Variants in ZFAT observed in about 807,000 individuals in gnomAD.
The protein encoded by ZFAT is zinc finger protein ZFAT.
Under a neutral mutation model 117.7 loss-of-function variants are expected in ZFAT, and 64 were observed. That is an observed-to-expected ratio of 0.54 (90% CI 0.44 to 0.67). ZFAT has a LOEUF of 0.67. Ranked by LOEUF, ZFAT falls within the 30% of genes least tolerant of loss-of-function variation. The pLI is 0.00. For missense variants in ZFAT, 1,433 were observed against 1,584.5 expected (o/e 0.90, Z 1.62); for synonymous variants, 679 against 615.0 (o/e 1.10, Z -1.54).
At chr8:134,702,577 C>A (rs556731664) in intron 1 of ZFAT, among the ~76,000 whole-genome samples, 36 of 152,282 alleles carry the variant, frequency 2.4e-4, no homozygotes, top group Admixed American at 2.1e-3. Flanking sequence ...TGTTGCCTAC[C>A]CCCAAGTAAA....
intron 11 of ZFAT, among the ~76,000 whole-genome samples, chr8:134,538,594 C>T (rs1822014555): frequency 6.6e-6 from 1 of 152,110 alleles, no homozygotes; most frequent in Non-Finnish European, 1.5e-5. Flanking sequence ...GTCAGGAGTT[C>T]GAGACCAGCC....
At chr8:134,814,150 T>C in the ZFAT span, among the ~76,000 whole-genome samples, 2 of 152,328 alleles carry the variant, frequency 1.3e-5, no homozygotes, top group South Asian at 2.1e-4. Context: ...CTTTATCTAC[T>C]TGTTCTATGA....
the ZFAT span, chr8:134,784,008 A>G: frequency 6.6e-6 from 1 of 152,254 alleles, no homozygotes; most frequent in East Asian, 1.9e-4. Flanking sequence ...GCAAGGTGCA[A>G]TGCCCTCACC....
chr8:134,576,132 A>C lies in ZFAT; in HGVS notation c.2887+7700T>G, dbSNP rs1825280713. 2.0e-5 allele frequency among the ~76,000 whole-genome samples: 3 copies of C among 152,228 alleles called. No homozygotes were observed. The South Asian group carries it at 6.2e-4, about 32-fold the overall frequency. The stretch of plus-strand genomic sequence containing the variant: ...ACACTGTGCCAGACATTTGCAGCTG[A>C]GACCCTCTACCTGGTGAGGTTTTAG... On this transcript the variant is annotated intron_variant, in intron 10 of 15. Transcript: ENST00000377838.
intron 10 of ZFAT, among the ~76,000 whole-genome samples, chr8:134,575,238 A>C (rs1825211809): frequency 6.6e-6 from 1 of 152,200 alleles, no homozygotes; most frequent in Non-Finnish European, 1.5e-5. Flanking sequence ...AAAAAATAAA[A>C]AGGAGTTTGC....
chr8:134,592,009 G>A (rs949331889), intron 7 of ZFAT, among the ~76,000 whole-genome samples: 19 of 142,970 alleles, frequency 1.3e-4, no homozygotes, highest in Admixed American at 2.2e-4. Flanking sequence ...AGGACTCTGC[G>A]CAGATAGGTG....
chr8:134,687,910 T>A (rs1833405539), intron 1 of ZFAT, among the ~76,000 whole-genome samples: 1 of 152,164 alleles, frequency 6.6e-6, no homozygotes, highest in South Asian at 2.1e-4. Context: ...TCTCGTCTTG[T>A]TTCTGAAGTA....
intron 1 of ZFAT, among the ~76,000 whole-genome samples, chr8:134,691,246 C>T (rs1428016197): frequency 6.6e-6 from 1 of 152,278 alleles, no homozygotes; most frequent in Non-Finnish European, 1.5e-5. Flanking sequence ...CAGTCCCTCC[C>T]ATAGCCAAGT....
intron 5 of ZFAT, among the ~76,000 whole-genome samples, chr8:134,608,380 G>A (rs374791614): frequency 1.4e-4 from 22 of 152,230 alleles, no homozygotes; most frequent in Non-Finnish European, 2.1e-4. Flanking sequence ...TTTTCTAAAC[G>A]GTAGTAAGTG....
intron 12 of ZFAT, among the ~76,000 whole-genome samples, chr8:134,529,326 T>C (rs1821243049): frequency 6.6e-6 from 1 of 152,214 alleles, no homozygotes; most frequent in Admixed American, 6.5e-5. Flanking sequence ...AGCCTGTGAT[T>C]TACTGAACCA....
chr8:134,757,751 A>G, the ZFAT span, among the ~76,000 whole-genome samples: 1 of 152,112 alleles, frequency 6.6e-6, no homozygotes, highest in East Asian at 1.9e-4. Context: ...GCTGGGGTGA[A>G]TTGTAGCAGA....
chr8:134,727,673 C>T, the ZFAT span, among the ~76,000 whole-genome samples: 2 of 152,068 alleles, frequency 1.3e-5, no homozygotes, highest in African/African-American at 4.8e-5. Flanking sequence ...GGCTATCCAT[C>T]TATGTTAGGG....
rs765549022 is a variant in ZFAT at position 134,600,402 on chromosome 8, G to A, written c.2475+34C>T. On this transcript the variant is annotated intron_variant, in intron 7 of 15. Coordinates refer to ENST00000377838, the MANE Select transcript of ZFAT (RefSeq NM_020863.4). ...CTTGAGAAAGCAATGAGCACCCAGG[G>A]GAGACGGGGCTGCCGCTTGGGCTTG... The A allele has an allele frequency of 5.1e-6, 8 of 1,579,710 alleles. 1 individual carries two copies. In the South Asian group the frequency reaches 5.5e-5, roughly 11 times the overall value.
intron 1 of ZFAT, among the ~76,000 whole-genome samples, chr8:134,670,869 G>C (rs1389583277): frequency 3.9e-5 from 6 of 152,220 alleles, no homozygotes; most frequent in African/African-American, 1.4e-4. Context: ...CACTAATAAA[G>C]AAGAAAACAG....
At chr8:134,694,670 TA>T (rs1395398015) in intron 1 of ZFAT, among the ~76,000 whole-genome samples, 1 of 152,170 alleles carries the variant, frequency 6.6e-6, no homozygotes, top group Non-Finnish European at 1.5e-5. Context: ...CCTGCCTCTC[TA>T]AAGGCTCCAG....
rs573884985 is a variant in ZFAT, at chr8:134,581,592, A to AG, written c.2887+2239dup. ...GACTGATGCCTTTCTTTTTTTTGGC[A>AG]GGGGGGGTGTAGGGAATGGGTCTCA... On this transcript the variant is annotated intron_variant, in intron 10 of 15. Coordinates refer to ENST00000377838, the MANE Select transcript of ZFAT (RefSeq NM_020863.4). Among the ~76,000 whole-genome samples the AG allele has an allele frequency of 1.3e-4, 20 of 151,636 alleles. No homozygotes were observed. In the East Asian group the frequency reaches 2.5e-3, roughly 19 times the overall value.
the ZFAT span, among the ~76,000 whole-genome samples, chr8:134,747,631 A>C: frequency 6.6e-6 from 1 of 152,334 alleles, no homozygotes; most frequent in Non-Finnish European, 1.5e-5. Context: ...TGTGAAATAC[A>C]TTTATAGAAC....
intron 10 of ZFAT, among the ~76,000 whole-genome samples, chr8:134,573,235 T>A (rs981284027): frequency 6.6e-6 from 1 of 152,130 alleles, no homozygotes; most frequent in African/African-American, 2.4e-5. Flanking sequence ...TGTGCATGTG[T>A]GCGTGTATGT....
chr8:134,564,573 T>G (rs924746286), intron 11 of ZFAT, among the ~76,000 whole-genome samples: 2 of 152,206 alleles, frequency 1.3e-5, no homozygotes, highest in Non-Finnish European at 2.9e-5. Context: ...TGTTCTATGA[T>G]TCTCTGGGAT....
Sources: allele counts gnomAD v4.1 joint callset (sites outside exome capture counted in the v4.1 genomes callset), GRCh38; gene constraint gnomAD v4.1.1; transcripts MANE v1.5; gene names NCBI Gene and HGNC (gene_info 2026-07-23, HGNC 2026-07-21).